The following ALG14 variants were observed in gnomAD, a reference collection of about 807,000 sequenced individuals.
ALG14 encodes UDP-N-acetylglucosamine transferase subunit ALG14.
ALG14 carries 17 observed loss-of-function variants against 22.8 expected under a neutral mutation model. The ratio of observed to expected loss-of-function variants is 0.75; its 90% CI spans 0.51 to 1.12. The LOEUF (loss-of-function observed/expected upper bound fraction) is 1.12, where lower values mean the gene tolerates loss of function less well. ALG14 is among the 50% of genes most tolerant of loss of function. ALG14 has a pLI of 0.00. For synonymous variants in ALG14, 89 were observed against 103.7 expected (o/e 0.86, Z 0.86); for missense variants, 288 against 271.8 (o/e 1.06, Z -0.42).
chr1:95,050,157 G>A (rs769628504), intron 2 of ALG14, among the ~76,000 whole-genome samples: 14 of 152,162 alleles, frequency 9.2e-5, no homozygotes, highest in South Asian at 2.1e-4. Context: ...CGTTCCGAGC[G>A]ATATGGATGA....
chr1:95,038,697 CA>C (rs1036147363), intron 2 of ALG14, among the ~76,000 whole-genome samples: 2 of 126,718 alleles, frequency 1.6e-5, no homozygotes, highest in Non-Finnish European at 3.4e-5. Flanking sequence ...AAAAAAAAAA[CA>C]AAGTGATAAA....
intron 2 of ALG14, among the ~76,000 whole-genome samples, chr1:95,061,350 T>A (rs906477712): frequency 6.6e-6 from 1 of 152,182 alleles, no homozygotes; most frequent in South Asian, 2.1e-4. Context: ...CACATTTTGC[T>A]ATAGCTGAAT....
At chr1:95,040,378 G>A (rs929506973) in intron 2 of ALG14, among the ~76,000 whole-genome samples, 24 of 152,042 alleles carry the variant, frequency 1.6e-4, no homozygotes, top group African/African-American at 5.8e-4. Context: ...CATCTACCAG[G>A]TATTTGAAGG....
intron 2 of ALG14, among the ~76,000 whole-genome samples, chr1:95,043,678 TC>T (rs1674453389): frequency 6.6e-6 from 1 of 151,820 alleles, no homozygotes. Flanking sequence ...GCCCGCCTGG[TC>T]CATTTCTGAA....
At chr1:95,043,413 A>G (rs1021031524) in intron 2 of ALG14, among the ~76,000 whole-genome samples, 16 of 152,198 alleles carry the variant, frequency 1.1e-4, no homozygotes, top group African/African-American at 3.9e-4. Context: ...TGTAACACAC[A>G]GGACATTCCC....
chr1:94,985,344 A>T (rs1166954674), intron 3 of ALG14, among the ~76,000 whole-genome samples: 1 of 152,222 alleles, frequency 6.6e-6, no homozygotes, highest in Non-Finnish European at 1.5e-5. Flanking sequence ...TGTCTTGTGC[A>T]TCTTACTTAG....
At chr1:95,056,577 C>G (rs776218376) in intron 2 of ALG14, among the ~76,000 whole-genome samples, 1 of 151,832 alleles carries the variant, frequency 6.6e-6, no homozygotes, top group Non-Finnish European at 1.5e-5. Flanking sequence ...CTGGGAAGAT[C>G]GAGGCTGCAG....
At chr1:94,992,432 T>A (rs557915917) in intron 3 of ALG14, among the ~76,000 whole-genome samples, 2 of 152,286 alleles carry the variant, frequency 1.3e-5, no homozygotes, top group South Asian at 4.1e-4. Context: ...AGCAAGTATC[T>A]GATGAATTGG....
intron 2 of ALG14, among the ~76,000 whole-genome samples, chr1:95,056,303 C>T (rs1244225264): frequency 1.3e-5 from 2 of 152,128 alleles, no homozygotes; most frequent in East Asian, 3.9e-4. Context: ...CTCTTTCAAA[C>T]ATTATACAGA....
chr1:95,052,507 G>A (rs547123956), intron 2 of ALG14, among the ~76,000 whole-genome samples: 2 of 152,224 alleles, frequency 1.3e-5, no homozygotes, highest in African/African-American at 2.4e-5. Context: ...TTCAGGAGGA[G>A]GATGGAGATA....
At chr1:95,050,217 A>C (rs1434149973) in intron 2 of ALG14, among the ~76,000 whole-genome samples, 2 of 152,228 alleles carry the variant, frequency 1.3e-5, no homozygotes, top group Non-Finnish European at 2.9e-5. Flanking sequence ...CTTTAAAATG[A>C]TCCAGATTTT....
intron 3 of ALG14, chr1:95,022,178 T>A (rs777875154): frequency 3.0e-6 from 1 of 328,490 alleles, no homozygotes; most frequent in Non-Finnish European, 4.4e-6. Flanking sequence ...TGGAGACGAA[T>A]CAAAACAACT....
At chr1:95,023,104 T>G (rs1673710844) in intron 3 of ALG14, among the ~76,000 whole-genome samples, 1 of 152,104 alleles carries the variant, frequency 6.6e-6, no homozygotes, top group Admixed American at 6.6e-5. Flanking sequence ...GTATCCTACT[T>G]ATAGATAATA....
intron 2 of ALG14, among the ~76,000 whole-genome samples, chr1:95,033,366 C>T (rs1034289557): frequency 1.3e-4 from 19 of 150,342 alleles, no homozygotes; most frequent in Admixed American, 6.7e-4. Flanking sequence ...ATCCATCCTA[C>T]GGGGGCTGAG....
At chr1:95,044,638 C>T (rs970951171) in intron 2 of ALG14, among the ~76,000 whole-genome samples, 2 of 152,116 alleles carry the variant, frequency 1.3e-5, no homozygotes, top group African/African-American at 4.8e-5. Context: ...CATCAAAATT[C>T]CCAGTTCCCC....
At chr1:95,001,541 G>C (rs1673068976) in intron 3 of ALG14, among the ~76,000 whole-genome samples, 1 of 152,074 alleles carries the variant, frequency 6.6e-6, no homozygotes, top group African/African-American at 2.4e-5. Context: ...TGTAGTCCAG[G>C]CTGGAGTGCA....
intron 3 of ALG14, among the ~76,000 whole-genome samples, chr1:95,010,372 G>A (rs1265394470): frequency 6.6e-6 from 1 of 152,198 alleles, no homozygotes; most frequent in African/African-American, 2.4e-5. Context: ...TGCAGCTGAA[G>A]TTTGACTCAT....
rs1401770084 is a variant in ALG14 at position 94,978,194 on chromosome 1, C to G, written c.*4882G>C. The G allele has an allele frequency of 6.6e-6, 1 of 151,960 alleles. No homozygotes were observed. The highest frequency in any genetic ancestry group is 1.9e-4 in the East Asian group (1 of 5,172). 9.4% of individuals were successfully genotyped at this position (151,960 alleles called of 1,614,324 possible). A position where few individuals can be genotyped will look rare whatever the true frequency, so the allele number is the denominator to read the frequency against. On this transcript the variant is annotated 3_prime_UTR_variant, in exon 4 of 4. Coordinates refer to ENST00000370205, the MANE Select transcript of ALG14 (RefSeq NM_144988.4). ...TTATTTGCCTCAGCCTCCCAAGTAG[C>G]TGGAATTACAGGCGCCCGCCACCAC...
rs571252014 is a variant in ALG14 at position 95,026,084 on chromosome 1, C to G, written c.420+1045G>C. Among the ~76,000 whole-genome samples, 3 of 152,280 alleles carry G rather than the reference C, an allele frequency of 2.0e-5. No homozygotes were observed. In the South Asian group the frequency reaches 6.2e-4, roughly 32 times the overall value. ...AGTAGCTGGGACTACAGGCGCCCAC[C>G]ACCACGGCCGGCAAATCTTTTGTAT... On this transcript the variant is annotated intron_variant, in intron 3 of 3. Transcript: ENST00000370205.
Sources: gnomAD v4.1 joint callset for allele counts (sites outside exome capture counted in the v4.1 genomes callset) on GRCh38, gnomAD v4.1.1 for gene constraint, MANE v1.5 for transcripts, NCBI Gene and HGNC (gene_info 2026-07-23, HGNC 2026-07-21) for gene names.